Variants in PCDHA7 observed in about 807,000 individuals in gnomAD.
The protein encoded by PCDHA7 is protocadherin alpha 7, also known as protocadherin alpha-7.
In PCDHA7, 37 loss-of-function variants were observed where a neutral mutation model predicts 57.2. The observed-to-expected ratio is 0.65, with a 90% CI of 0.50 to 0.85. The LOEUF is 0.85. Ranked by LOEUF, PCDHA7 falls within the 40% of genes least tolerant of loss-of-function variation. The pLI, the probability that PCDHA7 is intolerant of heterozygous loss-of-function variation, is 0.00. For missense variants in PCDHA7, 1,188 were observed against 1,241.8 expected (o/e 0.96, Z 0.65); for synonymous variants, 553 against 558.8 (o/e 0.99, Z 0.15).
chr5:140,922,498 G>C (rs2080865421), intron 1 of PCDHA7, among the ~76,000 whole-genome samples: 1 of 152,230 alleles, frequency 6.6e-6, no homozygotes, highest in African/African-American at 2.4e-5. Context: ...CTGAGAGTGA[G>C]CAGATGCACC....
intron 1 of PCDHA7, among the ~76,000 whole-genome samples, chr5:140,855,727 T>A (rs782065766): frequency 6.7e-6 from 1 of 149,598 alleles, no homozygotes; most frequent in Admixed American, 6.7e-5. Context: ...TGTTATTAAC[T>A]ATAAAGAGAC....
rs146195620 is a variant in PCDHA7, at chr5:140,842,865, G to A, written c.2355+6127G>A. The A allele has an allele frequency of 1.3e-6, 2 of 1,593,868 alleles. 1 individual carries two copies. The highest frequency in any genetic ancestry group is 1.7e-6 in the Non-Finnish European group (2 of 1,165,400). ...TACATTTCGGTGCACACGGAGAGCGGCAAGGTGTACGCGCTGCAGCCGCTG... is the reference window on the plus strand; with the variant it reads ...TACATTTCGGTGCACACGGAGAGCGACAAGGTGTACGCGCTGCAGCCGCTG... On this transcript the variant is annotated intron_variant, in intron 1 of 3. Coordinates refer to ENST00000525929, the MANE Select transcript of PCDHA7 (RefSeq NM_018910.3).
intron 1 of PCDHA7, among the ~76,000 whole-genome samples, chr5:140,845,925 A>T (rs1435379757): frequency 6.7e-6 from 1 of 149,798 alleles, no homozygotes; most frequent in African/African-American, 2.4e-5. Context: ...ATTTTTGTGT[A>T]AAACTATCTT....
At chr5:140,883,626 C>T (rs782798960) in intron 1 of PCDHA7, 3 of 1,613,850 alleles carry the variant, frequency 1.9e-6, no homozygotes, top group Non-Finnish European at 2.5e-6. Flanking sequence ...GACAACGCGC[C>T]GGCGTTCGCG....
intron 1 of PCDHA7, among the ~76,000 whole-genome samples, chr5:140,912,103 G>A (rs1431283462): frequency 6.6e-6 from 1 of 152,212 alleles, no homozygotes; most frequent in Non-Finnish European, 1.5e-5. Context: ...GGAGAAAGAT[G>A]TAGGCTGGGA....
chr5:140,963,483 T>C (rs1228943699), intron 1 of PCDHA7, among the ~76,000 whole-genome samples: 1 of 152,246 alleles, frequency 6.6e-6, no homozygotes, highest in Non-Finnish European at 1.5e-5. Flanking sequence ...GGTAAATCTC[T>C]TGTGAGGAAA....
At chr5:140,925,108 G>GGAAGGAA (rs1554202548) in intron 1 of PCDHA7, among the ~76,000 whole-genome samples, 42 of 124,700 alleles carry the variant, frequency 3.4e-4, no homozygotes, top group African/African-American at 1.4e-3. Context: ...GAAGGAAGGA[G>GGAAGGAA]GGAAGGAAGG....
chr5:140,859,882 T>C (rs2046069596), intron 1 of PCDHA7: 1 of 152,016 alleles, frequency 6.6e-6, no homozygotes, highest in Admixed American at 6.6e-5. Context: ...CTCTGATATT[T>C]TGAAAAAAAA....
intron 1 of PCDHA7, chr5:140,862,764 G>A (rs375357178): frequency 5.0e-5 from 29 of 577,184 alleles, no homozygotes; most frequent in Middle Eastern, 5.6e-4. Flanking sequence ...GCGGCAAGAG[G>A]TACGCGTTGC....
rs140457638 is a variant in PCDHA7, at chr5:140,883,730, G to T, written c.2355+46992G>T. On this transcript the variant is annotated intron_variant, in intron 1 of 3. Coordinates refer to ENST00000525929, the MANE Select transcript of PCDHA7 (RefSeq NM_018910.3). ...TCAGGACGCGGACGCACAGGAGAAC[G>T]CGCTGGTCTCCTACTCGCTGGTGGA... 4.3e-6 allele frequency: 7 copies of T among 1,613,530 alleles called. No homozygotes were observed. The East Asian group carries it at 1.6e-4, about 36-fold the overall frequency.
chr5:140,857,554 G>T lies in PCDHA7; in HGVS notation c.2355+20816G>T, dbSNP rs782355772. On this transcript the variant is annotated intron_variant, in intron 1 of 3. Coordinates refer to ENST00000525929, the MANE Select transcript of PCDHA7 (RefSeq NM_018910.3). ...TGGAGCGGCGGTTGGGCGAGCGCTC[G>T]CTGTCGAGCTACGTGTCGGTGCACG... 1.1e-5 allele frequency: 18 copies of T among 1,596,768 alleles called. 1 individual carries two copies. Among genetic ancestry groups the T allele is most frequent in the East Asian group, 6.7e-5 (3 of 44,826 alleles).
intron 3 of PCDHA7, among the ~76,000 whole-genome samples, chr5:140,999,980 C>A (rs1386394350): frequency 6.6e-6 from 1 of 152,076 alleles, no homozygotes; most frequent in Non-Finnish European, 1.5e-5. Context: ...GCTCTAGCGG[C>A]CTCTGGGTAG....
In PCDHA7 at chr5:140,927,497, T is replaced by G. The variant is rs199998669; in HGVS notation, c.2356-51452T>G. ...GAACAGCGCGCCACCCACCTGCTGGTGCTTACAGCTCGGGACGGCGGGCTA... is the reference window on the plus strand; with the variant it reads ...GAACAGCGCGCCACCCACCTGCTGGGGCTTACAGCTCGGGACGGCGGGCTA... On this transcript the variant is annotated intron_variant, in intron 1 of 3. Coordinates refer to ENST00000525929, the MANE Select transcript of PCDHA7 (RefSeq NM_018910.3). The G allele has an allele frequency of 2.0e-4, 325 of 1,614,094 alleles. No homozygotes were observed. The highest frequency in any genetic ancestry group is 2.6e-4 in the Non-Finnish European group (305 of 1,180,030).
chr5:140,916,202 C>A lies in PCDHA7; in HGVS notation c.2356-62747C>A, dbSNP rs185433174. 8.0e-3 allele frequency among the ~76,000 whole-genome samples: 1,218 copies of A among 152,262 alleles called. 6 individuals carry two copies. Among genetic ancestry groups the A allele is most frequent in the African/African-American group, 0.019 (787 of 41,550 alleles). The stretch of plus-strand genomic sequence containing the variant: ...TTCAAGGAAGTGGGCACCCCTCTGC[C>A]CTGGGGAAGATCCAAATATGCTTTC... On this transcript the variant is annotated intron_variant, in intron 1 of 3. Coordinates refer to ENST00000525929, the MANE Select transcript of PCDHA7 (RefSeq NM_018910.3).
At chr5:140,874,554 TTC>T (rs2054993631) in intron 1 of PCDHA7, among the ~76,000 whole-genome samples, 1 of 152,236 alleles carries the variant, frequency 6.6e-6, no homozygotes, top group African/African-American at 2.4e-5. Flanking sequence ...TAAGAGATCT[TTC>T]GCATTTTAGT....
chr5:140,928,146 A>G, intron 1 of PCDHA7: 1 of 1,614,222 alleles, frequency 6.2e-7, no homozygotes, highest in African/African-American at 1.3e-5. Flanking sequence ...TCACGGCCTC[A>G]GATAGTGGCT....
At chr5:140,959,800 G>A (rs193288186) in intron 1 of PCDHA7, among the ~76,000 whole-genome samples, 1 of 152,080 alleles carries the variant, frequency 6.6e-6, no homozygotes, top group Admixed American at 6.5e-5. Context: ...CTAATTTAGA[G>A]GATTTATATT....
At chr5:140,987,997 T>C (rs2097277277) in intron 3 of PCDHA7, among the ~76,000 whole-genome samples, 1 of 152,212 alleles carries the variant, frequency 6.6e-6, no homozygotes, top group African/African-American at 2.4e-5. Flanking sequence ...TCTCTGATCC[T>C]TCCCCAGAAA....
chr5:140,974,578 C>A (rs1554236214), intron 1 of PCDHA7, among the ~76,000 whole-genome samples: 1 of 152,170 alleles, frequency 6.6e-6, no homozygotes, highest in Non-Finnish European at 1.5e-5. Flanking sequence ...ATGGCATGAT[C>A]TTGGCTCACT....
Sources: gnomAD v4.1 joint callset for allele counts (sites outside exome capture counted in the v4.1 genomes callset) on GRCh38, gnomAD v4.1.1 for gene constraint, MANE v1.5 for transcripts, NCBI Gene and HGNC (gene_info 2026-07-23, HGNC 2026-07-21) for gene names.